Variants in ARB2A observed in about 807,000 individuals in gnomAD.
ARB2A encodes cotranscriptional regulator ARB2A.
chr5:93,657,275 T>A, the ARB2A span, among the ~76,000 whole-genome samples: 1 of 152,154 alleles, frequency 6.6e-6, no homozygotes, highest in African/African-American at 2.4e-5. Flanking sequence ...GTGGGAAAAC[T>A]GGGATGCAGT....
At chr5:93,816,899 GATGTCC>G in the ARB2A span, among the ~76,000 whole-genome samples, 5 of 152,060 alleles carry the variant, frequency 3.3e-5, no homozygotes, top group Non-Finnish European at 7.4e-5. Context: ...ACAAGACAAG[GATGTCC>G]ATGCTAGCCA....
At chr5:94,066,974 TCA>T in the ARB2A span, among the ~76,000 whole-genome samples, 1 of 151,904 alleles carries the variant, frequency 6.6e-6, no homozygotes, top group Non-Finnish European at 1.5e-5. Flanking sequence ...CAACAGCACA[TCA>T]AAAAGGTAAC....
chr5:93,719,478 A>G, the ARB2A span, among the ~76,000 whole-genome samples: 4 of 152,192 alleles, frequency 2.6e-5, no homozygotes, highest in Non-Finnish European at 5.9e-5. Flanking sequence ...GTCCTCTGCA[A>G]TTATTATGCT....
the ARB2A span, among the ~76,000 whole-genome samples, chr5:93,966,039 G>T: frequency 6.6e-6 from 1 of 151,964 alleles, no homozygotes; most frequent in East Asian, 1.9e-4. Flanking sequence ...TTAAAATTAT[G>T]TTGATTATAC....
At chr5:94,102,137 C>G in the ARB2A span, among the ~76,000 whole-genome samples, 1 of 150,572 alleles carries the variant, frequency 6.6e-6, no homozygotes, top group Non-Finnish European at 1.5e-5. Context: ...GTCTTCCTAC[C>G]TCCAAATGAC....
the ARB2A span, among the ~76,000 whole-genome samples, chr5:93,772,352 T>C: frequency 6.6e-6 from 1 of 152,106 alleles, no homozygotes; most frequent in Admixed American, 6.5e-5. Flanking sequence ...ATATACCTAA[T>C]GCTAAATGAC....
the ARB2A span, among the ~76,000 whole-genome samples, chr5:94,062,815 G>A: frequency 3.9e-5 from 6 of 152,152 alleles, no homozygotes; most frequent in South Asian, 6.2e-4. Flanking sequence ...TGCCTACAGC[G>A]ACTGCTGCAG....
chr5:93,758,474 C>T, the ARB2A span, among the ~76,000 whole-genome samples: 1 of 152,022 alleles, frequency 6.6e-6, no homozygotes, highest in African/African-American at 2.4e-5. Context: ...GGAACTTTCT[C>T]TAAGATAGAC....
At chr5:93,802,403 C>T in the ARB2A span, among the ~76,000 whole-genome samples, 2 of 151,794 alleles carry the variant, frequency 1.3e-5, no homozygotes, top group Non-Finnish European at 2.9e-5. Flanking sequence ...ACCAAAAAGC[C>T]AGGAGGACTG....
the ARB2A span, among the ~76,000 whole-genome samples, chr5:94,039,738 T>A: frequency 6.6e-6 from 1 of 152,096 alleles, no homozygotes; most frequent in Non-Finnish European, 1.5e-5. Context: ...CTCTTTCCTG[T>A]AACATCTTTC....
At chr5:93,752,324 A>C in the ARB2A span, among the ~76,000 whole-genome samples, 1 of 152,240 alleles carries the variant, frequency 6.6e-6, no homozygotes, top group Non-Finnish European at 1.5e-5. Flanking sequence ...TGGGGGCAGT[A>C]AAAGGAATAG....
At chr5:94,086,803 T>C in the ARB2A span, among the ~76,000 whole-genome samples, 12 of 152,314 alleles carry the variant, frequency 7.9e-5, no homozygotes, top group African/African-American at 2.9e-4. Flanking sequence ...TCCACAAGCC[T>C]CAGCCTCCCA....
chr5:93,640,100 A>C, the ARB2A span, among the ~76,000 whole-genome samples: 2 of 151,450 alleles, frequency 1.3e-5, no homozygotes, highest in Non-Finnish European at 2.9e-5. Flanking sequence ...TTATGAAAAA[A>C]ATTGAACAGA....
At chr5:94,038,768 G>A in the ARB2A span, among the ~76,000 whole-genome samples, 1 of 150,430 alleles carries the variant, frequency 6.6e-6, no homozygotes, top group Non-Finnish European at 1.5e-5. Context: ...ATATAGTAGC[G>A]CTCAGCTAAA....
the ARB2A span, among the ~76,000 whole-genome samples, chr5:93,717,371 A>G: frequency 2.0e-5 from 3 of 151,784 alleles, no homozygotes; most frequent in South Asian, 6.3e-4. Context: ...AGCGCTGTGG[A>G]ACTGTGTGTG....
chr5:93,788,443 T>C, the ARB2A span, among the ~76,000 whole-genome samples: 2 of 152,308 alleles, frequency 1.3e-5, no homozygotes, highest in South Asian at 4.1e-4. Context: ...CCAGAAATCC[T>C]GCAGACCTTT....
At chr5:94,080,882 C>CA in the ARB2A span, among the ~76,000 whole-genome samples, 5 of 151,980 alleles carry the variant, frequency 3.3e-5, no homozygotes, top group Admixed American at 6.6e-5. Flanking sequence ...CATCTGCTTC[C>CA]AAAAAATCTA....
At chr5:93,830,299 A>ATATGTGTGTGTGTG in the ARB2A span, among the ~76,000 whole-genome samples, 15 of 39,688 alleles carry the variant, frequency 3.8e-4, no homozygotes, top group Admixed American at 1.3e-3. Context: ...ATGTATATAT[A>ATATGTGTGTGTGTG]TGTGTGTGTG....
the ARB2A span, among the ~76,000 whole-genome samples, chr5:93,781,411 C>A: frequency 6.6e-6 from 1 of 151,934 alleles, no homozygotes; most frequent in Non-Finnish European, 1.5e-5. Context: ...AGATATGTAC[C>A]ACATTTTCTT....
Sources: gnomAD v4.1 joint callset for allele counts (sites outside exome capture counted in the v4.1 genomes callset) on GRCh38, gnomAD v4.1.1 for gene constraint, MANE v1.5 for transcripts, NCBI Gene and HGNC (gene_info 2026-07-23, HGNC 2026-07-21) for gene names.